Variants in CNTLN observed in about 807,000 individuals in gnomAD.
The protein encoded by CNTLN is centlein, centrosomal protein.
CNTLN carries 212 observed loss-of-function variants against 180.0 expected under a neutral mutation model. The ratio of observed to expected loss-of-function variants is 1.18; its 90% CI spans 1.05 to 1.32. The LOEUF (loss-of-function observed/expected upper bound fraction) is 1.32. Ranked by LOEUF, CNTLN falls within the 40% of genes most tolerant of loss-of-function variation. CNTLN has a pLI of 0.00. For missense variants in CNTLN, 2,095 were observed against 1,610.9 expected, an observed-to-expected ratio of 1.30 and a Z score of -5.14; for synonymous variants, 722 against 563.1, an observed-to-expected ratio of 1.28 and a Z score of -3.99.
At chr9:17,466,674 T>C (rs923997712) in intron 22 of CNTLN, 32 bp from the exon 23 acceptor site, 3 of 1,541,780 alleles carry the variant, frequency 1.9e-6, no homozygotes. Context: ...TTATAAAATA[T>C]CTTTTATTTT....
the CNTLN span, among the ~76,000 whole-genome samples, chr9:17,515,275 C>G: frequency 6.6e-6 from 1 of 152,132 alleles, no homozygotes; most frequent in Non-Finnish European, 1.5e-5. Flanking sequence ...TTCTCAGCCT[C>G]AATTTCTAGA....
chr9:17,297,490 C>A (rs114246687), intron 6 of CNTLN, among the ~76,000 whole-genome samples: 2,457 of 152,260 alleles, frequency 0.016, 71 homozygotes, highest in African/African-American at 0.057. Flanking sequence ...ACAACCACAG[C>A]AATCTGGAAA....
Position 17,432,527 on chromosome 9 carries a change from A to G in CNTLN, c.3114+16338A>G, listed in dbSNP as rs28731439. ...GAAGATATATGAGTTATGAAGGGAA[A>G]AAGAAGGTCTGTCATTAATTAGGAC... On this transcript the variant is annotated intron_variant, in intron 18 of 25. Transcript: ENST00000380647. 8.2e-3 allele frequency among the ~76,000 whole-genome samples: 1,247 copies of G among 152,282 alleles called. 13 individuals carry two copies. The highest frequency in any genetic ancestry group is 0.028 in the African/African-American group (1,147 of 41,544).
At chr9:17,154,528 G>T (rs1819122202) in intron 2 of CNTLN, among the ~76,000 whole-genome samples, 1 of 152,170 alleles carries the variant, frequency 6.6e-6, no homozygotes, top group African/African-American at 2.4e-5. Flanking sequence ...ACCCAGTGGG[G>T]CACCTGCCAG....
intron 13 of CNTLN, among the ~76,000 whole-genome samples, chr9:17,373,994 C>G (rs1451388756): frequency 5.9e-5 from 9 of 152,116 alleles, no homozygotes; most frequent in Non-Finnish European, 1.3e-4. Context: ...AAATCTCAGA[C>G]CTCAAACTAT....
chr9:17,328,875 A>G (rs1274922850), intron 8 of CNTLN, among the ~76,000 whole-genome samples: 1 of 151,980 alleles, frequency 6.6e-6, no homozygotes, highest in Admixed American at 6.6e-5. Context: ...CTTTATTGTT[A>G]TCAAAAATAT....
At chr9:17,136,276 T>C (rs1009850201) in intron 1 of CNTLN, among the ~76,000 whole-genome samples, 4 of 152,208 alleles carry the variant, frequency 2.6e-5, no homozygotes, top group Non-Finnish European at 5.9e-5. Context: ...TGTCTTCAAC[T>C]TAGAAACCAA....
chr9:17,484,286 A>G lies in CNTLN; in HGVS notation c.3856-9A>G, dbSNP rs1564143964. 2.5e-6 allele frequency: 4 copies of G among 1,573,936 alleles called. No individual in the cohort carries two copies. In the East Asian group the frequency reaches 6.7e-5, roughly 27 times the overall value. On this transcript the variant is annotated splice_polypyrimidine_tract_variant and intron_variant, in intron 23 of 25. Transcript: ENST00000380647. ...AATATAAGCTCAATTTCTTTCCAAT[A>G]TGTTACAGGCTTTGGCCAAAGAGTT...
chr9:17,365,101 C>G (rs1258876090), intron 12 of CNTLN, among the ~76,000 whole-genome samples: 2 of 152,098 alleles, frequency 1.3e-5, no homozygotes, highest in African/African-American at 2.4e-5. Context: ...GATTTGTGTC[C>G]CTGCCCAAAT....
At chr9:17,458,197 T>C (rs745645054) in intron 19 of CNTLN, among the ~76,000 whole-genome samples, 4 of 146,536 alleles carry the variant, frequency 2.7e-5, no homozygotes, top group African/African-American at 5.0e-5. Flanking sequence ...AGGAAGTATG[T>C]AGAGAAAAAG....
At chr9:17,294,587 C>G (rs1563966741) in intron 6 of CNTLN, among the ~76,000 whole-genome samples, 1 of 150,098 alleles carries the variant, frequency 6.7e-6, no homozygotes, top group Non-Finnish European at 1.5e-5. Flanking sequence ...TTCTCCAAGT[C>G]CCCACTAGAC....
In CNTLN at chr9:17,135,167, G is replaced by A; in HGVS notation, c.102G>A (p.Met34Ile). The A allele has an allele frequency of 6.2e-7, 1 of 1,609,826 alleles. No homozygotes were observed. Among genetic ancestry groups the A allele is most frequent in the Non-Finnish European group, 8.5e-7 (1 of 1,178,716 alleles). The change falls in exon 1 of 26, where the codon ATG becomes ATA. Residue 34 changes from methionine to isoleucine, a missense_variant. Physicochemically the swap from Met to Ile is conservative, Grantham distance 10. Transcript: ENST00000380647. ...RVGRGAEVHAMRSEASGFAGA... is the reference protein window; with the variant it reads ...RVGRGAEVHAIRSEASGFAGA... ...GGCGGGGAGCTGAAGTACACGCAAT[G>A]CGCAGCGAGGCCTCGGGTTTTGCCG...
chr9:17,170,133 T>G (rs1820334410), intron 2 of CNTLN, among the ~76,000 whole-genome samples: 1 of 152,186 alleles, frequency 6.6e-6, no homozygotes, highest in Non-Finnish European at 1.5e-5. Context: ...TAAGTATTTA[T>G]TTTTGATTCT....
chr9:17,302,019 C>A, intron 7 of CNTLN: 1 of 984,078 alleles, frequency 1.0e-6, no homozygotes, highest in Non-Finnish European at 1.2e-6. Context: ...GTAAATAAAG[C>A]TGCAATAAAC....
intron 2 of CNTLN, among the ~76,000 whole-genome samples, chr9:17,154,630 G>A (rs1161941286): frequency 6.6e-6 from 1 of 152,188 alleles, no homozygotes; most frequent in Non-Finnish European, 1.5e-5. Flanking sequence ...GGGTTGGGTG[G>A]GGACTTGGAG....
At chr9:17,164,931 G>C (rs2131611038) in intron 2 of CNTLN, among the ~76,000 whole-genome samples, 1 of 149,970 alleles carries the variant, frequency 6.7e-6, no homozygotes, top group East Asian at 2.0e-4. Flanking sequence ...TGCCACCCGA[G>C]TTCAAGTGAT....
At chr9:17,195,741 G>A (rs964747405) in intron 2 of CNTLN, among the ~76,000 whole-genome samples, 1 of 152,080 alleles carries the variant, frequency 6.6e-6, no homozygotes, top group Non-Finnish European at 1.5e-5. Flanking sequence ...ATTAACTTAA[G>A]AGTGGTCTTC....
At chr9:17,440,222 T>G (rs779790507) in intron 18 of CNTLN, among the ~76,000 whole-genome samples, 2 of 151,882 alleles carry the variant, frequency 1.3e-5, no homozygotes, top group African/African-American at 2.4e-5. Flanking sequence ...CCTCGCAAAG[T>G]GAAACATAGA....
At chr9:17,295,497 CTG>C (rs1817825677) in intron 6 of CNTLN, among the ~76,000 whole-genome samples, 1 of 152,186 alleles carries the variant, frequency 6.6e-6, no homozygotes, top group African/African-American at 2.4e-5. Context: ...TCCTTGCTCT[CTG>C]TGGGTTGTGC....
Sources: gnomAD v4.1 joint callset for allele counts (sites outside exome capture counted in the v4.1 genomes callset) on GRCh38, gnomAD v4.1.1 for gene constraint, MANE v1.5 for transcripts, NCBI Gene and HGNC (gene_info 2026-07-23, HGNC 2026-07-21) for gene names.